The following FMN2 variants were observed in gnomAD, a reference collection of about 807,000 sequenced individuals.
The protein encoded by FMN2 is formin 2.
In FMN2, 51 loss-of-function variants were observed where a neutral mutation model predicts 142.3. That is an observed-to-expected ratio of 0.36 (90% CI 0.29 to 0.45). FMN2 has a LOEUF of 0.45. Among genes scored for constraint, FMN2 ranks in the 20% least tolerant of loss-of-function variants. The pLI is 1.00. For synonymous variants in FMN2, 882 were observed against 869.8 expected (o/e 1.01, Z -0.25); for missense variants, 1,936 against 2,122.8 (o/e 0.91, Z 1.73).
chr1:240,465,720 G>T (rs1572343296), intron 16 of FMN2, among the ~76,000 whole-genome samples: 2 of 152,128 alleles, frequency 1.3e-5, no homozygotes, highest in Non-Finnish European at 2.9e-5. Flanking sequence ...ATGTTTAGTG[G>T]CAGAAAAGTG....
chr1:240,101,219 C>A (rs182756505), intron 1 of FMN2, among the ~76,000 whole-genome samples: 92 of 152,254 alleles, frequency 6.0e-4, no homozygotes, highest in African/African-American at 2.2e-3. Context: ...TGCTGGGAAG[C>A]GTCTTCCTTC....
At chr1:240,203,435 T>C (rs1666205241) in intron 4 of FMN2, among the ~76,000 whole-genome samples, 1 of 151,994 alleles carries the variant, frequency 6.6e-6, no homozygotes. Context: ...ATAAACTGGA[T>C]AAGGAAAATG....
At chr1:240,327,876 G>A (rs149726793) in intron 8 of FMN2, among the ~76,000 whole-genome samples, 2,154 of 152,152 alleles carry the variant, frequency 0.014, 55 homozygotes, top group African/African-American at 0.05. Context: ...GCCAGGCGCA[G>A]TGGCTCATGC....
chr1:240,375,517 G>GT (rs1271090220), intron 14 of FMN2, among the ~76,000 whole-genome samples: 1 of 152,172 alleles, frequency 6.6e-6, no homozygotes, highest in Admixed American at 6.5e-5. Flanking sequence ...TCATGGAAGT[G>GT]TTTTTATTAA....
In FMN2 at chr1:240,206,790, G is replaced by A. The variant is rs565491176; in HGVS notation, c.1987-9G>A. The A allele has an allele frequency of 1.1e-4, 174 of 1,600,088 alleles. No individual in the cohort carries two copies. Among genetic ancestry groups the A allele is most frequent in the South Asian group, 1.1e-3 (95 of 90,374 alleles). ...ATAACTAACTGTGTCTGTCCTTGTC[G>A]CCCTTCAGGAAGTTGTTGACATGAA... On this transcript the variant is annotated splice_polypyrimidine_tract_variant and intron_variant, in intron 4 of 17. Coordinates refer to ENST00000319653, the MANE Select transcript of FMN2 (RefSeq NM_020066.5).
intron 16 of FMN2, among the ~76,000 whole-genome samples, chr1:240,466,769 G>A (rs1466851545): frequency 1.3e-5 from 2 of 152,164 alleles, no homozygotes; most frequent in Non-Finnish European, 2.9e-5. Context: ...TCTTTGAAAT[G>A]TGGAGCCGCG....
chr1:240,415,876 CAAT>C (rs368096224), intron 15 of FMN2, among the ~76,000 whole-genome samples: 20 of 152,268 alleles, frequency 1.3e-4, no homozygotes, highest in Non-Finnish European at 2.2e-4. Flanking sequence ...GAGAATACAA[CAAT>C]GTTAGATATA....
chr1:240,354,050 G>C (rs553870071), intron 13 of FMN2, among the ~76,000 whole-genome samples: 1 of 152,164 alleles, frequency 6.6e-6, no homozygotes, highest in East Asian at 1.9e-4. Context: ...ACAAATCATG[G>C]TGTAGGCTTT....
intron 8 of FMN2, among the ~76,000 whole-genome samples, chr1:240,298,962 T>G (rs1281126502): frequency 1.3e-5 from 2 of 152,158 alleles, no homozygotes; most frequent in East Asian, 3.9e-4. Context: ...TTGAATTTTT[T>G]TTTTTTGAGG....
At chr1:240,125,555 G>A (rs566853619) in intron 2 of FMN2, among the ~76,000 whole-genome samples, 2 of 152,324 alleles carry the variant, frequency 1.3e-5, no homozygotes, top group South Asian at 4.1e-4. Context: ...TTAGTATAGT[G>A]CAGGCAAAGG....
intron 16 of FMN2, among the ~76,000 whole-genome samples, chr1:240,440,586 C>T (rs1047238168): frequency 6.6e-6 from 1 of 152,140 alleles, no homozygotes. Flanking sequence ...TTCATGTTAG[C>T]AGTGTTGCGA....
chr1:240,178,697 GTGCTGGAA>G (rs1665029793), intron 3 of FMN2, among the ~76,000 whole-genome samples: 1 of 152,052 alleles, frequency 6.6e-6, no homozygotes, highest in Non-Finnish European at 1.5e-5. Flanking sequence ...GTCTCCTAAA[GTGCTGGAA>G]TTACAGGCAT....
intron 13 of FMN2, among the ~76,000 whole-genome samples, chr1:240,345,744 A>G (rs934122014): frequency 1.3e-5 from 2 of 151,948 alleles, no homozygotes; most frequent in Non-Finnish European, 2.9e-5. Context: ...CGGCCTCCCA[A>G]AGTGCTGGGA....
intron 16 of FMN2, among the ~76,000 whole-genome samples, chr1:240,461,014 C>G (rs972439660): frequency 2.6e-5 from 4 of 152,162 alleles, no homozygotes; most frequent in African/African-American, 7.2e-5. Context: ...AGCCACTGTT[C>G]TGGGTCTCAT....
intron 13 of FMN2, among the ~76,000 whole-genome samples, chr1:240,349,715 A>G (rs1672027271): frequency 6.6e-6 from 1 of 152,338 alleles, no homozygotes; most frequent in African/African-American, 2.4e-5. Flanking sequence ...AACCTAATGC[A>G]TGCTTTCTGA....
At chr1:240,450,594 G>T (rs1163176555) in intron 16 of FMN2, among the ~76,000 whole-genome samples, 1 of 152,162 alleles carries the variant, frequency 6.6e-6, no homozygotes, top group African/African-American at 2.4e-5. Flanking sequence ...GATTATAGAG[G>T]TCGCTCCCTT....
intron 1 of FMN2, among the ~76,000 whole-genome samples, chr1:240,111,919 TG>T (rs920292047): frequency 1.3e-5 from 2 of 152,148 alleles, no homozygotes; most frequent in African/African-American, 4.8e-5. Context: ...AGAGTCCACG[TG>T]TTTTCAGGGG....
rs768824382 is a variant in FMN2 at position 240,472,400 on chromosome 1, C to G, written c.5089C>G (p.Gln1697Glu). 1.9e-6 allele frequency: 3 copies of G among 1,612,138 alleles called. No individual in the cohort carries two copies. Among genetic ancestry groups the G allele is most frequent in the Non-Finnish European group, 2.5e-6 (3 of 1,179,330 alleles). The change falls in exon 17 of 18, where the codon CAG (glutamine) becomes GAG (glutamate). Residue 1697 changes from glutamine (Q) to glutamate (E), a missense_variant. Coordinates refer to ENST00000319653, the MANE Select transcript of FMN2 (RefSeq NM_020066.5). ...AAAAGAAGCCGAAGAGGTGTGTAGA[C>G]AGAAGAAAGGAAAATCACTTTATAA... ...RVKEAEEVCRQKKGKSLYKIK... is the reference protein window; with the variant it reads ...RVKEAEEVCREKKGKSLYKIK...
In FMN2 at chr1:240,473,568, T is replaced by TA. The variant is rs895139592; in HGVS notation, c.5143-555dup. 1.4e-4 allele frequency among the ~76,000 whole-genome samples: 21 copies of TA among 152,220 alleles called. No homozygotes were observed. The highest frequency in any genetic ancestry group is 4.6e-4 in the African/African-American group (19 of 41,522). ...ATGATTAAATAGCCCTGTTTTTTTT[T>TA]AAAAAGTTAGGAATTATATCTTCAT... On this transcript the variant is annotated intron_variant, in intron 17 of 17. Transcript: ENST00000319653. This position sits in a 1 kb window ranked among gnomAD's most constrained non-coding sequence, Gnocchi z 4.3.
Sources: gnomAD v4.1 joint callset for allele counts (sites outside exome capture counted in the v4.1 genomes callset) on GRCh38, gnomAD v4.1.1 for gene constraint, Gnocchi (gnomAD v3.1) non-coding constraint, MANE v1.5 for transcripts, NCBI Gene and HGNC (gene_info 2026-07-23, HGNC 2026-07-21) for gene names.